Variants in ANXA4 observed in about 807,000 individuals in gnomAD.
ANXA4 encodes the protein annexin A4, also known as 35-beta calcimedin.
Under a neutral mutation model 49.8 loss-of-function variants are expected in ANXA4, and 39 were observed. That is an observed-to-expected ratio of 0.78 (90% CI 0.61 to 1.02). ANXA4 has a LOEUF of 1.02. Ranked by LOEUF, ANXA4 falls within the 50% of genes least tolerant of loss-of-function variation. The pLI is 0.00. For missense variants in ANXA4, 360 were observed against 410.1 expected (o/e 0.88, Z 1.05); for synonymous variants, 134 against 152.5 (o/e 0.88, Z 0.89).
intron 2 of ANXA4, among the ~76,000 whole-genome samples, chr2:69,656,355 G>GTGTATATA (rs1676479929): frequency 7.9e-6 from 1 of 127,050 alleles, no homozygotes; most frequent in African/African-American, 3.1e-5. Flanking sequence ...GTGTATATAT[G>GTGTATATA]TGTATATATA....
intron 2 of ANXA4, among the ~76,000 whole-genome samples, chr2:69,668,575 A>C (rs1194121490): frequency 6.6e-6 from 1 of 152,144 alleles, no homozygotes; most frequent in Non-Finnish European, 1.5e-5. Context: ...TATCTTTCTC[A>C]TTATATATGT....
At chr2:69,771,178 C>T (rs1671702879) in intron 1 of ANXA4, among the ~76,000 whole-genome samples, 1 of 148,690 alleles carries the variant, frequency 6.7e-6, no homozygotes, top group African/African-American at 2.5e-5. Context: ...TATTTGTAGA[C>T]AGGTTGATTT....
chr2:69,710,113 G>T (rs1026963182), intron 2 of ANXA4, among the ~76,000 whole-genome samples: 2 of 149,340 alleles, frequency 1.3e-5, no homozygotes, highest in Admixed American at 6.8e-5. Context: ...TCAGCCTCCC[G>T]AGTAGCTGGG....
chr2:69,781,725 A>G, intron 2 of ANXA4, 151 bp downstream of exon 2: 1 of 888,240 alleles, frequency 1.1e-6, no homozygotes, highest in Non-Finnish European at 1.7e-6. Context: ...TCTAAACATC[A>G]TTTAAATTTC....
upstream of ANXA4, among the ~76,000 whole-genome samples, chr2:69,739,506 A>G (rs928150241): frequency 1.3e-4 from 20 of 151,702 alleles, no homozygotes; most frequent in African/African-American, 4.8e-4. Context: ...CCTGGGCTCA[A>G]GTGATTTTCC....
intron 1 of ANXA4, among the ~76,000 whole-genome samples, chr2:69,763,263 C>T (rs567126298): frequency 5.3e-5 from 8 of 152,212 alleles, no homozygotes; most frequent in African/African-American, 1.9e-4. Flanking sequence ...TTGATGACTT[C>T]GGGGCGCGGG....
intron 3 of ANXA4, among the ~76,000 whole-genome samples, chr2:69,721,319 G>A (rs1473830028): frequency 7.2e-5 from 11 of 152,252 alleles, no homozygotes; most frequent in Non-Finnish European, 5.9e-5. Flanking sequence ...GGGTGGGTAG[G>A]CCTGTTAATG....
At chr2:69,797,946 G>C (rs1673010957) in intron 3 of ANXA4, among the ~76,000 whole-genome samples, 2 of 152,214 alleles carry the variant, frequency 1.3e-5, no homozygotes, top group Admixed American at 1.3e-4. Flanking sequence ...ATACCAGGCA[G>C]TAACTTTGCC....
chr2:69,693,129 A>G lies in ANXA4; in HGVS notation n.767-27645A>G, dbSNP rs570725866. On this transcript the variant is annotated intron_variant and non_coding_transcript_variant, in intron 2 of 3. Transcript: ENST00000418066. ...GTTAAATCTCCAAGAAGAGCATCTA[A>G]TATGCACTGTTTCCCAAATTTATTT... 7.9e-5 allele frequency among the ~76,000 whole-genome samples: 12 copies of G among 152,308 alleles called. No homozygotes were observed. The East Asian group carries it at 2.3e-3, about 29-fold the overall frequency.
intron 2 of ANXA4, among the ~76,000 whole-genome samples, chr2:69,711,279 G>A (rs72901458): frequency 1.8e-3 from 277 of 152,328 alleles, no homozygotes; most frequent in African/African-American, 6.3e-3. Context: ...GCAATGAGCC[G>A]AGAAACAACC....
intron 2 of ANXA4, among the ~76,000 whole-genome samples, chr2:69,667,038 T>G (rs2105333915): frequency 6.6e-6 from 1 of 151,676 alleles, no homozygotes; most frequent in Non-Finnish European, 1.5e-5. Context: ...AGAGTGAGAC[T>G]CCATCTCAAA....
chr2:69,645,728 T>A (rs559348910), intron 1 of ANXA4, among the ~76,000 whole-genome samples: 1 of 152,138 alleles, frequency 6.6e-6, no homozygotes, highest in South Asian at 2.1e-4. Context: ...AGGGAAGAGG[T>A]TTAAAAAACA....
chr2:69,717,077 G>C (rs1669664542), intron 2 of ANXA4, among the ~76,000 whole-genome samples: 1 of 152,208 alleles, frequency 6.6e-6, no homozygotes, highest in South Asian at 2.1e-4. Context: ...TCGTGTAGCA[G>C]AGGGGCTGGG....
intron 1 of ANXA4, among the ~76,000 whole-genome samples, chr2:69,648,946 C>T (rs1206509630): frequency 7.5e-6 from 1 of 132,500 alleles, no homozygotes; most frequent in African/African-American, 3.0e-5. Context: ...AGTGCAATGG[C>T]ACAATCTTGG....
At chr2:69,807,823 C>T in intron 5 of ANXA4, 83 bp from the exon 6 acceptor site, 1 of 1,147,972 alleles carries the variant, frequency 8.7e-7, no homozygotes, top group Non-Finnish European at 1.3e-6. Flanking sequence ...TCTGCAGATT[C>T]ATGACAGATG....
At chr2:69,677,558 A>T (rs956280398) in intron 2 of ANXA4, among the ~76,000 whole-genome samples, 2 of 152,146 alleles carry the variant, frequency 1.3e-5, no homozygotes, top group Non-Finnish European at 1.5e-5. Flanking sequence ...ATGCCTTCAG[A>T]GTATTCTCTC....
chr2:69,695,929 T>A (rs530125189), intron 2 of ANXA4, among the ~76,000 whole-genome samples: 3 of 152,298 alleles, frequency 2.0e-5, no homozygotes, highest in Admixed American at 2.0e-4. Flanking sequence ...ATGTTAACAG[T>A]CATCTGAGCC....
intron 2 of ANXA4, among the ~76,000 whole-genome samples, chr2:69,708,669 C>A (rs1678580320): frequency 6.6e-6 from 1 of 152,018 alleles, no homozygotes; most frequent in Non-Finnish European, 1.5e-5. Context: ...GACCACATGC[C>A]CTTGAAGAAA....
intron 1 of ANXA4, among the ~76,000 whole-genome samples, chr2:69,742,816 A>G (rs1253084834): frequency 2.6e-5 from 4 of 152,166 alleles, no homozygotes; most frequent in African/African-American, 9.7e-5. Context: ...CCCCGGGGCA[A>G]TGCAAGTCTT....
Sources: gnomAD v4.1 joint callset for allele counts (sites outside exome capture counted in the v4.1 genomes callset) on GRCh38, gnomAD v4.1.1 for gene constraint, MANE v1.5 for transcripts, NCBI Gene and HGNC (gene_info 2026-07-23, HGNC 2026-07-21) for gene names.